KCNAB2: variants seen among roughly 807,000 people sequenced by gnomAD.
KCNAB2 encodes the protein potassium voltage-gated channel subfamily A regulatory beta subunit 2.
In KCNAB2, 29 loss-of-function variants were observed where a neutral mutation model predicts 63.6. The observed-to-expected ratio is 0.46, with a 90% CI of 0.34 to 0.62. The LOEUF is 0.62. KCNAB2 is among the 20% of genes least tolerant of loss of function. The probability of loss-of-function intolerance (pLI) is 0.01; values close to 1 mark genes in which losing one functional copy is unlikely to be tolerated. For synonymous variants in KCNAB2, 222 were observed against 224.2 expected (o/e 0.99, Z 0.09); for missense variants, 359 against 563.9 (o/e 0.64, Z 3.68).
chr1:6,043,559 G>A (rs1159191437), upstream of KCNAB2, among the ~76,000 whole-genome samples: 1 of 152,218 alleles, frequency 6.6e-6, no homozygotes, highest in East Asian at 1.9e-4. Flanking sequence ...TGGATCTCCA[G>A]GGGGTCACTT....
intron 9 of KCNAB2, among the ~76,000 whole-genome samples, 183 bp from the exon 10 acceptor site, chr1:6,091,080 A>G (rs1215178094): frequency 6.6e-6 from 1 of 151,948 alleles, no homozygotes; most frequent in Non-Finnish European, 1.5e-5. Flanking sequence ...TGTTCCAGTT[A>G]TTGTTTTTTA....
At position 6,028,523 on chromosome 1, in the gene KCNAB2, C is replaced by T. The variant is rs1354526501; in HGVS notation, c.-52-11994C>T. Among the ~76,000 whole-genome samples, 1 of 152,230 alleles carries T rather than the reference C, an allele frequency of 6.6e-6. No homozygotes were observed. The highest frequency in any genetic ancestry group is 2.4e-5 in the African/African-American group (1 of 41,462). On this transcript the variant is annotated intron_variant, in intron 1 of 16. Transcript: ENST00000341524. This position sits in a 1 kb window ranked among gnomAD's most constrained non-coding sequence, Gnocchi z 4.0. The stretch of plus-strand genomic sequence containing the variant: ...TCCGGAAGACACCCAGGACGTCACA[C>T]CTAGCCCAGAACAGCCCCCCTCTCT...
intron 1 of KCNAB2, among the ~76,000 whole-genome samples, chr1:6,006,677 C>T (rs1279706159): frequency 6.1e-4 from 40 of 65,202 alleles, no homozygotes; most frequent in African/African-American, 2.3e-3. Flanking sequence ...CACCCTCCAC[C>T]CCTCAGCTCA....
chr1:6,030,730 G>T (rs1659551187), upstream of KCNAB2, among the ~76,000 whole-genome samples: 1 of 151,254 alleles, frequency 6.6e-6, no homozygotes. Context: ...GTATGTTTAT[G>T]TGTGTTTATG....
In KCNAB2 at chr1:6,078,750, A is replaced by T. The variant is rs1354542077; in HGVS notation, c.301-3445A>T. On this transcript the variant is annotated intron_variant, in intron 4 of 15. Transcript: ENST00000378083. This position sits in a 1 kb window ranked among gnomAD's most constrained non-coding sequence, Gnocchi z 4.2. ...GCTGCTGCACTGGGAATGGCGAGTC[A>T]TGAGGATGTCCCAGAGTTCAGCGTG... Among the ~76,000 whole-genome samples the T allele has an allele frequency of 1.3e-5, 2 of 152,186 alleles. No individual in the cohort carries two copies. Among genetic ancestry groups the T allele is most frequent in the African/African-American group, 4.8e-5 (2 of 41,432 alleles).
chr1:6,045,219 A>T (rs1014808759), upstream of KCNAB2, among the ~76,000 whole-genome samples: 1 of 152,024 alleles, frequency 6.6e-6, no homozygotes, highest in South Asian at 2.1e-4. The surrounding 1 kb of genome is among the most constrained non-coding windows in gnomAD (Gnocchi z 4.8). Context: ...CTCATTCATC[A>T]TGGGGGGACG....
intron 1 of KCNAB2, among the ~76,000 whole-genome samples, chr1:6,038,161 T>G (rs1484501596): frequency 5.3e-5 from 8 of 151,768 alleles, no homozygotes; most frequent in Non-Finnish European, 1.0e-4. Context: ...ACAGGTGTGA[T>G]CCACCATGCC....
At chr1:6,051,911 C>A (rs895578421) in intron 2 of KCNAB2, among the ~76,000 whole-genome samples, 157 bp downstream of exon 2, 4 of 152,076 alleles carry the variant, frequency 2.6e-5, no homozygotes, top group African/African-American at 9.7e-5. Flanking sequence ...CGAGACCAGC[C>A]TGGCCAACCT....
chr1:6,052,512 G>A (rs1324028195), intron 2 of KCNAB2, among the ~76,000 whole-genome samples: 2 of 152,108 alleles, frequency 1.3e-5, no homozygotes, highest in Non-Finnish European at 2.9e-5. Flanking sequence ...GTGTTTCTGG[G>A]TGTTGGAGAC....
At chr1:5,999,623 G>A (rs554991843) in intron 1 of KCNAB2, among the ~76,000 whole-genome samples, 13 of 152,286 alleles carry the variant, frequency 8.5e-5, no homozygotes, top group Admixed American at 5.9e-4. Context: ...TGTGTGGCAG[G>A]GCGCCTTGTT....
chr1:6,053,616 C>A (rs1661564491), intron 2 of KCNAB2, among the ~76,000 whole-genome samples: 1 of 152,116 alleles, frequency 6.6e-6, no homozygotes, highest in South Asian at 2.1e-4. Context: ...GGCGGCTAGG[C>A]TGGAGGGAGG....
intron 6 of KCNAB2, chr1:6,085,808 G>A (rs769063600): frequency 9.5e-5 from 94 of 986,500 alleles, no homozygotes; most frequent in African/African-American, 9.1e-4. Flanking sequence ...GTGTGGGACC[G>A]TTCCGGCAGG....
chr1:6,070,363 T>C (rs1471946039), intron 2 of KCNAB2, among the ~76,000 whole-genome samples: 1 of 152,196 alleles, frequency 6.6e-6, no homozygotes, highest in African/African-American at 2.4e-5. Flanking sequence ...AGTTACTTTC[T>C]AGCCAGCATG....
At chr1:6,094,793 A>T (rs894693129) in intron 11 of KCNAB2, among the ~76,000 whole-genome samples, 1 of 152,234 alleles carries the variant, frequency 6.6e-6, no homozygotes, top group African/African-American at 2.4e-5. Context: ...GGAGTCCCTG[A>T]GAGAGCCAGT....
At chr1:6,056,200 A>C (rs1036251802) in intron 2 of KCNAB2, among the ~76,000 whole-genome samples, 1 of 151,932 alleles carries the variant, frequency 6.6e-6, no homozygotes, top group African/African-American at 2.4e-5. Context: ...GCGAGCCACC[A>C]TGCCCGGCTA....
chr1:6,000,348 C>A (rs1657181699), intron 1 of KCNAB2, among the ~76,000 whole-genome samples: 2 of 152,224 alleles, frequency 1.3e-5, no homozygotes, highest in African/African-American at 2.4e-5. Context: ...AATCCCAACT[C>A]AAAACCTCCC....
chr1:6,039,795 C>T (rs1009981177), intron 1 of KCNAB2, among the ~76,000 whole-genome samples: 1 of 152,246 alleles, frequency 6.6e-6, no homozygotes, highest in Non-Finnish European at 1.5e-5. Flanking sequence ...CAGCTGTCGG[C>T]CCGAGGCTGC....
At chr1:6,072,618 C>T (rs1663300453) in intron 2 of KCNAB2, 137 bp from the exon 3 acceptor site, 1 of 903,408 alleles carries the variant, frequency 1.1e-6, no homozygotes. Flanking sequence ...CTCTGAAGGT[C>T]CCCGGTGCCT....
chr1:6,049,085 G>A (rs1350959254), intron 1 of KCNAB2, among the ~76,000 whole-genome samples: 1 of 152,236 alleles, frequency 6.6e-6, no homozygotes, highest in Non-Finnish European at 1.5e-5. Context: ...GCAACTCCTG[G>A]CATGGGAACC....
Sources: gnomAD v4.1 joint callset for allele counts (sites outside exome capture counted in the v4.1 genomes callset) on GRCh38, gnomAD v4.1.1 for gene constraint, Gnocchi (gnomAD v3.1) non-coding constraint, MANE v1.5 for transcripts, NCBI Gene and HGNC (gene_info 2026-07-23, HGNC 2026-07-21) for gene names.